SYNPR: variants seen among roughly 807,000 people sequenced by gnomAD.
SYNPR encodes synaptoporin.
Under a neutral mutation model 32.9 loss-of-function variants are expected in SYNPR, and 23 were observed. That is an observed-to-expected ratio of 0.70 (90% CI 0.50 to 0.99). The LOEUF is 0.99. Among genes scored for constraint, SYNPR ranks in the 50% least tolerant of loss-of-function variants. SYNPR has a pLI of 0.00. For missense variants in SYNPR, 318 were observed against 349.3 expected (o/e 0.91, Z 0.71); for synonymous variants, 146 against 135.9 (o/e 1.07, Z -0.52).
At chr3:63,273,399 G>A (rs138167800), upstream of SYNPR, among the ~76,000 whole-genome samples, 122 of 152,230 alleles carry the variant, frequency 8.0e-4, no homozygotes, top group Admixed American at 1.6e-3. Context: ...CAAGGCTGAT[G>A]AGGAAATTAA....
chr3:63,425,298 G>T (rs953165153), intron 2 of SYNPR, among the ~76,000 whole-genome samples: 3 of 152,066 alleles, frequency 2.0e-5, no homozygotes, highest in Non-Finnish European at 4.4e-5. Flanking sequence ...GCTGATTGGT[G>T]GTATACAGTA....
At chr3:63,339,566 G>A (rs2087337210) in intron 2 of SYNPR, among the ~76,000 whole-genome samples, 1 of 151,870 alleles carries the variant, frequency 6.6e-6, no homozygotes, top group African/African-American at 2.4e-5. Flanking sequence ...GCACATGTGT[G>A]TGTGTATTTA....
intron 2 of SYNPR, among the ~76,000 whole-genome samples, chr3:63,431,663 C>T (rs905297002): frequency 1.3e-5 from 2 of 151,588 alleles, no homozygotes; most frequent in African/African-American, 4.8e-5. Flanking sequence ...CTTGAAAGCA[C>T]ATGGCTGCAA....
At chr3:63,400,001 G>A (rs1049926308) in intron 2 of SYNPR, among the ~76,000 whole-genome samples, 2 of 152,222 alleles carry the variant, frequency 1.3e-5, no homozygotes, top group Non-Finnish European at 2.9e-5. Flanking sequence ...AGAGTCAAAT[G>A]AAGCAGAGCC....
chr3:63,315,638 G>C (rs935933518), intron 2 of SYNPR, among the ~76,000 whole-genome samples: 1 of 151,970 alleles, frequency 6.6e-6, no homozygotes, highest in African/African-American at 2.4e-5. Context: ...GAGCTTTCTG[G>C]AGGAGTCCTT....
At chr3:63,451,593 G>C (rs1406589385) in intron 2 of SYNPR, among the ~76,000 whole-genome samples, 1 of 152,006 alleles carries the variant, frequency 6.6e-6, no homozygotes, top group Non-Finnish European at 1.5e-5. Flanking sequence ...GTGGAGTCAG[G>C]GCAGAGGCGG....
chr3:63,250,997 C>A (rs1319574756), intron 1 of SYNPR, among the ~76,000 whole-genome samples: 3 of 151,762 alleles, frequency 2.0e-5, no homozygotes, highest in African/African-American at 7.3e-5. Flanking sequence ...CAATAGAAAC[C>A]ACCAAAAGAA....
intron 2 of SYNPR, among the ~76,000 whole-genome samples, chr3:63,421,202 G>A (rs958955369): frequency 6.6e-6 from 1 of 152,132 alleles, no homozygotes; most frequent in African/African-American, 2.4e-5. Flanking sequence ...CAATTCACAA[G>A]AGAGGATGCT....
intron 2 of SYNPR, among the ~76,000 whole-genome samples, chr3:63,256,040 C>T (rs1000451700): frequency 6.6e-6 from 1 of 152,208 alleles, no homozygotes; most frequent in African/African-American, 2.4e-5. Flanking sequence ...CCGCCATTGC[C>T]AAGGCTTGAG....
chr3:63,404,549 G>A lies in SYNPR; in HGVS notation c.85-76283G>A, dbSNP rs1000034307. 3.9e-5 allele frequency among the ~76,000 whole-genome samples: 6 copies of A among 152,104 alleles called. No individual in the cohort carries two copies. The East Asian group carries it at 1.2e-3, about 29-fold the overall frequency. ...TCTTTCTGATTTTCCTTAGAACTGG[G>A]TCAGACTGCCATTTTTATAAACTAT... On this transcript the variant is annotated intron_variant, in intron 2 of 5. Transcript: ENST00000478300.
Position 63,591,309 on chromosome 3 carries a change from A to T in SYNPR, c.409-17816A>T, listed in dbSNP as rs1699818759. 2.4e-5 allele frequency among the ~76,000 whole-genome samples: 3 copies of T among 127,014 alleles called. 1 individual carries two copies. The South Asian group carries it at 9.6e-4, about 41-fold the overall frequency. 83.3% of individuals were successfully genotyped at this position (127,014 alleles called of 152,430 possible). A position where few individuals can be genotyped will look rare whatever the true frequency, so the allele number is the denominator to read the frequency against. On this transcript the variant is annotated intron_variant, in intron 4 of 5. Transcript: ENST00000478300. ...GATCATTAAAAAGTCAGGAAACAAC[A>T]GGTGCTGGAGAGGATGTGGAGAAAT... is the stretch of plus-strand genomic sequence containing the variant.
intron 3 of SYNPR, among the ~76,000 whole-genome samples, chr3:63,510,041 C>A (rs1278219472): frequency 6.6e-6 from 1 of 151,894 alleles, no homozygotes; most frequent in Non-Finnish European, 1.5e-5. Context: ...ATAGACACAG[C>A]GGTACTATTT....
chr3:63,204,969 T>G, the SYNPR span, among the ~76,000 whole-genome samples: 1 of 152,196 alleles, frequency 6.6e-6, no homozygotes, highest in Non-Finnish European at 1.5e-5. Flanking sequence ...ATTACAGGCA[T>G]GAGCCACTAC....
the SYNPR span, among the ~76,000 whole-genome samples, chr3:63,205,475 A>G: frequency 6.6e-6 from 1 of 152,362 alleles, no homozygotes; most frequent in African/African-American, 2.4e-5. Context: ...TGTATGATAT[A>G]TTCCCCATCA....
chr3:63,268,061 T>A (rs2086505493), intron 3 of SYNPR, among the ~76,000 whole-genome samples: 1 of 152,222 alleles, frequency 6.6e-6, no homozygotes, highest in African/African-American at 2.4e-5. Flanking sequence ...GTGGAATAAT[T>A]GCTCTTAATG....
chr3:63,237,049 CAG>C (rs2086205805), intron 1 of SYNPR, among the ~76,000 whole-genome samples: 1 of 152,076 alleles, frequency 6.6e-6, no homozygotes, highest in African/African-American at 2.4e-5. Flanking sequence ...AACTTGGTAA[CAG>C]TGTTTATTAT....
intron 2 of SYNPR, among the ~76,000 whole-genome samples, chr3:63,471,864 G>C (rs77275329): frequency 1.3e-5 from 2 of 152,178 alleles, no homozygotes; most frequent in Non-Finnish European, 2.9e-5. Context: ...GAATTGTGAA[G>C]CTGCATGAAA....
chr3:63,256,705 C>T (rs2086387204), intron 2 of SYNPR, among the ~76,000 whole-genome samples: 1 of 152,164 alleles, frequency 6.6e-6, no homozygotes, highest in Non-Finnish European at 1.5e-5. Flanking sequence ...AGCAACAGAA[C>T]AAAGCTGGAC....
At chr3:63,400,104 A>G (rs752342250) in intron 2 of SYNPR, among the ~76,000 whole-genome samples, 1 of 152,228 alleles carries the variant, frequency 6.6e-6, no homozygotes, top group South Asian at 2.1e-4. Flanking sequence ...TAGATGCACA[A>G]AGAAAAGAAT....
Sources: gnomAD v4.1 joint callset for allele counts (sites outside exome capture counted in the v4.1 genomes callset) on GRCh38, gnomAD v4.1.1 for gene constraint, MANE v1.5 for transcripts, NCBI Gene and HGNC (gene_info 2026-07-23, HGNC 2026-07-21) for gene names.